The following SGO1 variants were observed in gnomAD, a reference collection of about 807,000 sequenced individuals.
SGO1 encodes serologically defined breast cancer antigen NY-BR-85.
SGO1 carries 39 observed loss-of-function variants against 50.5 expected under a neutral mutation model. The observed-to-expected ratio is 0.77, with a 90% confidence interval of 0.60 to 1.01. The LOEUF (loss-of-function observed/expected upper bound fraction) is 1.01, where lower values mean the gene tolerates loss of function less well. SGO1 is among the 50% of genes least tolerant of loss of function. SGO1 has a pLI of 0.00. For missense variants in SGO1, 638 were observed against 606.0 expected, an observed-to-expected ratio of 1.05 and a Z score of -0.55; for synonymous variants, 191 against 205.1, an observed-to-expected ratio of 0.93 and a Z score of 0.59.
chr3:20,167,579 C>A (rs1028251401), downstream of SGO1, among the ~76,000 whole-genome samples: 57 of 151,064 alleles, frequency 3.8e-4, no homozygotes, highest in Admixed American at 5.9e-4. Flanking sequence ...ATAAATAAAT[C>A]AATCAGATAC....
chr3:20,170,526 G>A lies in SGO1; in HGVS notation c.*178C>T. ...GAAAAAATAAATTAAATTTATTAAAGTTTTAATACAAAGCATCCCATTTGA... is the reference window on the plus strand; with the variant it reads ...GAAAAAATAAATTAAATTTATTAAAATTTTAATACAAAGCATCCCATTTGA... On this transcript the variant is annotated 3_prime_UTR_variant, in exon 8 of 8. Transcript: ENST00000412997. The A allele has an allele frequency of 1.7e-6, 2 of 1,207,410 alleles. No homozygotes were observed. Among genetic ancestry groups the A allele is most frequent in the African/African-American group, 1.6e-5 (1 of 63,548 alleles). The allele number at this position is 1,207,410 out of a possible 1,614,324, so 74.8% of individuals were successfully genotyped here. A position where few individuals can be genotyped will look rare whatever the true frequency, so the allele number is the denominator to read the frequency against.
rs182722075 is a variant in SGO1, at chr3:20,172,822, C to T, written c.1282+1427G>A. Among the ~76,000 whole-genome samples, 18 of 146,164 alleles carry T rather than the reference C, an allele frequency of 1.2e-4. No homozygotes were observed. The East Asian group carries it at 3.7e-3, about 30-fold the overall frequency. On this transcript the variant is annotated intron_variant, in intron 6 of 7. Coordinates refer to ENST00000412997, the MANE Select transcript of SGO1 (RefSeq NM_001199251.3). ...AAAAAAAAAAAAAAAAAAAATTAGC[C>T]AGGTGTGATGGCGCATGCCTGTAGT...
chr3:20,169,388 C>A (rs554991933), downstream of SGO1: 31 of 984,464 alleles, frequency 3.1e-5, no homozygotes, highest in Non-Finnish European at 3.3e-5. Flanking sequence ...AAGAGAATAC[C>A]AAGGGGAGGG....
intron 3 of SGO1, among the ~76,000 whole-genome samples, chr3:20,183,337 C>T (rs1702237907): frequency 6.6e-6 from 1 of 152,202 alleles, no homozygotes; most frequent in African/African-American, 2.4e-5. Context: ...AATGGACCAG[C>T]AATGCAAAAG....
downstream of SGO1, among the ~76,000 whole-genome samples, chr3:20,166,570 G>A (rs1400060386): frequency 2.0e-5 from 3 of 152,124 alleles, no homozygotes; most frequent in African/African-American, 7.2e-5. Flanking sequence ...GTTACCAGAG[G>A]TTGGGAGAGA....
Position 20,176,664 on chromosome 3 carries a change from G to A in SGO1, c.417-5C>T. 7 of 1,548,336 alleles carry A rather than the reference G, an allele frequency of 4.5e-6. No individual in the cohort carries two copies. Among genetic ancestry groups the A allele is most frequent in the East Asian group, 2.3e-5 (1 of 43,056 alleles). On this transcript the variant is annotated splice_polypyrimidine_tract_variant and splice_region_variant and intron_variant, in intron 4 of 7. Coordinates refer to ENST00000412997, the MANE Select transcript of SGO1 (RefSeq NM_001199251.3). ...GTTTCTTCAAGAGGAATTTGCCTTA[G>A]AAAATACCAATGAAAAACAGAAATT...
chr3:20,183,833 T>A, intron 2 of SGO1, 29 bp from the exon 3 acceptor site: 1 of 1,602,406 alleles, frequency 6.2e-7, no homozygotes. Flanking sequence ...ATTTATCAGT[T>A]ATTAAATCTA....
chr3:20,166,754 C>T (rs916618852), downstream of SGO1, among the ~76,000 whole-genome samples: 1 of 147,230 alleles, frequency 6.8e-6, no homozygotes, highest in Non-Finnish European at 1.5e-5. Context: ...GCCTGTAATC[C>T]TAGCACTTTG....
In SGO1 at chr3:20,169,837, A is replaced by C. The variant is rs1446225538; in HGVS notation, c.*867T>G. On this transcript the variant is annotated 3_prime_UTR_variant, in exon 8 of 8. Transcript: ENST00000412997. ...CATACATATTTTATCTGAAAAATTA[A>C]ATATAACAGTGGTATAAGGAATTCA... 2.0e-6 allele frequency: 2 copies of C among 976,682 alleles called. No homozygotes were observed. The highest frequency in any genetic ancestry group is 1.1e-4 in the East Asian group (1 of 8,776). The allele number at this position is 976,682 out of a possible 1,614,324, so 60.5% of individuals were successfully genotyped here.
At position 20,161,276 on chromosome 3, in the gene SGO1, A is replaced by G. The variant is rs781534219; in HGVS notation, c.1565-50T>C. On this transcript the variant is annotated intron_variant, in intron 8 of 8. Coordinates refer to the SGO1 transcript ENST00000263753. The stretch of plus-strand genomic sequence containing the variant: ...GTCTACAGAGATGTTTCTACAACCT[A>G]GTCCACAGATTTTATTCAGAAGGAA... 2.6e-5 allele frequency: 38 copies of G among 1,441,050 alleles called. No individual in the cohort carries two copies. The Middle Eastern group carries it at 6.1e-4, about 23-fold the overall frequency. 89.3% of individuals were successfully genotyped at this position (1,441,050 alleles called of 1,614,324 possible). A position where few individuals can be genotyped will look rare whatever the true frequency, so the allele number is the denominator to read the frequency against.
chr3:20,172,052 T>C (rs1240488693), intron 6 of SGO1, among the ~76,000 whole-genome samples: 3 of 152,274 alleles, frequency 2.0e-5, no homozygotes, highest in Non-Finnish European at 2.9e-5. Context: ...CTGGGTTTTA[T>C]AGTCTGTCCT....
chr3:20,170,925 G>C (rs1394282391), intron 7 of SGO1, 110 bp from the exon 8 acceptor site: 1 of 1,476,856 alleles, frequency 6.8e-7, no homozygotes, highest in Non-Finnish European at 9.1e-7. Context: ...TCTCACTTCA[G>C]TTTTTTTAAA....
chr3:20,175,898 A>C (rs1304662887), intron 5 of SGO1, among the ~76,000 whole-genome samples: 2 of 152,222 alleles, frequency 1.3e-5, no homozygotes, highest in East Asian at 3.9e-4. Context: ...GTAGAACCGC[A>C]TATTCCAAAG....
At position 20,183,630 on chromosome 3, in the gene SGO1, T is replaced by C; in HGVS notation, c.317A>G (p.Gln106Arg). ...LYALKGKLTS[Q>R]QTVEPAQNQE... ...TACCTGAGCAGGTTCTACTGTTTGT[T>C]GTGATGTAAGTTTTCCTTTCAATGC... Residue 106 changes from glutamine (Q) to arginine (R), a missense_variant, in exon 3 of 8, where the codon CAA (glutamine) becomes CGA (arginine). Physicochemically the swap from Gln to Arg is conservative, Grantham distance 43 (BLOSUM62 1). Transcript: ENST00000412997. The C allele has an allele frequency of 6.3e-7, 1 of 1,595,270 alleles. No homozygotes were observed. The highest frequency in any genetic ancestry group is 8.5e-7 in the Non-Finnish European group (1 of 1,174,886).
At chr3:20,177,513 A>T (rs1317051995) in intron 4 of SGO1, among the ~76,000 whole-genome samples, 1 of 152,208 alleles carries the variant, frequency 6.6e-6, no homozygotes, top group Non-Finnish European at 1.5e-5. Flanking sequence ...AACATGCCAC[A>T]ATATCTGAAG....
At chr3:20,165,295 T>A (rs1480087984), downstream of SGO1, among the ~76,000 whole-genome samples, 1 of 152,096 alleles carries the variant, frequency 6.6e-6, no homozygotes, top group Non-Finnish European at 1.5e-5. Flanking sequence ...CTCCTCCCAG[T>A]GAGGGCATTA....
Position 20,174,958 on chromosome 3 carries a change from A to G in SGO1, c.573T>C (p.Val191=), listed in dbSNP as rs944430136. 6.2e-7 allele frequency: 1 copy of G among 1,613,998 alleles called. No individual in the cohort carries two copies. Among genetic ancestry groups the G allele is most frequent in the African/African-American group, 1.3e-5 (1 of 75,060 alleles). ...TDNVLPRTVS[V]RSSLKKHCNS... is the part of the protein sequence containing the mutation. Reference sequence around the variant, plus strand: ...TACAATGTTTCTTTAAACTGCTACGAACAGATACAGTTCTAGGTAAGACAT... The same window carrying G: ...TACAATGTTTCTTTAAACTGCTACGGACAGATACAGTTCTAGGTAAGACAT... Residue 191 remains valine, a synonymous_variant, in exon 6 of 8, where the codon GTT becomes GTC. Transcript: ENST00000412997.
At chr3:20,177,662 T>C (rs550957900) in intron 4 of SGO1, among the ~76,000 whole-genome samples, 2 of 152,356 alleles carry the variant, frequency 1.3e-5, no homozygotes, top group South Asian at 2.1e-4. Context: ...GAAAACACTA[T>C]GTCTTCATTG....
downstream of SGO1, among the ~76,000 whole-genome samples, chr3:20,165,711 A>G (rs1406393090): frequency 5.3e-5 from 8 of 152,222 alleles, no homozygotes; most frequent in African/African-American, 1.9e-4. Flanking sequence ...TATACAAGAA[A>G]TTATATAGGC....
Sources: allele counts gnomAD v4.1 joint callset (sites outside exome capture counted in the v4.1 genomes callset), GRCh38; gene constraint gnomAD v4.1.1; transcripts MANE v1.5; gene names NCBI Gene and HGNC (gene_info 2026-07-23, HGNC 2026-07-21).